Variants in ENAH observed in about 807,000 individuals in gnomAD.
The protein encoded by ENAH is ENAH actin regulator.
Under a neutral mutation model 78.7 loss-of-function variants are expected in ENAH, and 23 were observed. The ratio of observed to expected loss-of-function variants is 0.29; its 90% CI spans 0.21 to 0.41. The LOEUF (loss-of-function observed/expected upper bound fraction) is 0.41. Among genes scored for constraint, ENAH ranks in the 10% least tolerant of loss-of-function variants. The pLI, the probability that ENAH is intolerant of heterozygous loss-of-function variation, is 1.00. For missense variants in ENAH, 544 were observed against 691.0 expected, an observed-to-expected ratio of 0.79 and a Z score of 2.39; for synonymous variants, 226 against 241.0, an observed-to-expected ratio of 0.94 and a Z score of 0.58.
At chr1:225,524,349 A>T (rs148232082) in intron 4 of ENAH, among the ~76,000 whole-genome samples, 1 of 152,348 alleles carries the variant, frequency 6.6e-6, no homozygotes, top group East Asian at 1.9e-4. Context: ...GTTACTAGGT[A>T]AATAAGAATG....
chr1:225,513,216 A>C (rs2151121093), intron 7 of ENAH, among the ~76,000 whole-genome samples, 200 bp from the exon 8 acceptor site: 1 of 152,358 alleles, frequency 6.6e-6, no homozygotes, highest in African/African-American at 2.4e-5. Flanking sequence ...TATCACCAAG[A>C]ATGCAATGAA....
At chr1:225,592,018 T>G (rs2096879617) in intron 1 of ENAH, among the ~76,000 whole-genome samples, 1 of 152,136 alleles carries the variant, frequency 6.6e-6, no homozygotes, top group Non-Finnish European at 1.5e-5. Context: ...AGTATAATAA[T>G]AACAGTAATA....
At chr1:225,651,716 C>T (rs902138849) in intron 1 of ENAH, among the ~76,000 whole-genome samples, 1 of 152,066 alleles carries the variant, frequency 6.6e-6, no homozygotes, top group Admixed American at 6.5e-5. Context: ...TCTACCAAGT[C>T]CCATTTCACA....
chr1:225,645,283 G>A (rs780792119), intron 1 of ENAH, among the ~76,000 whole-genome samples: 9 of 152,148 alleles, frequency 5.9e-5, no homozygotes, highest in Non-Finnish European at 1.0e-4. Flanking sequence ...CATATAAATG[G>A]AATCATGGCA....
intron 1 of ENAH, among the ~76,000 whole-genome samples, chr1:225,600,913 G>T (rs149698089): frequency 6.6e-6 from 1 of 151,944 alleles, no homozygotes; most frequent in Admixed American, 6.6e-5. Context: ...ATATTAATTG[G>T]TAAAGCTATA....
In ENAH at chr1:225,511,836, A is replaced by T. The variant is rs777264328; in HGVS notation, c.1446T>A (p.Ser482=). 42 of 1,605,574 alleles carry T rather than the reference A, an allele frequency of 2.6e-5. No individual in the cohort carries two copies. The highest frequency in any genetic ancestry group is 3.4e-5 in the Non-Finnish European group (40 of 1,173,752). ...DKGEDSEPVT[S]KASSTSTPEP... is the part of the protein sequence containing the mutation. The stretch of plus-strand genomic sequence containing the variant: ...CAGGTGTACTTGTTGAAGAGGCCTT[A>T]GAAGTTACAGGCTCTGAATCTTCCT... Residue 482 remains serine, a synonymous_variant, in exon 10 of 14, where the codon TCT becomes TCA. Coordinates refer to ENST00000366843, the MANE Select transcript of ENAH (RefSeq NM_018212.6).
chr1:225,557,802 C>T (rs894306491), intron 2 of ENAH, among the ~76,000 whole-genome samples: 10 of 152,146 alleles, frequency 6.6e-5, no homozygotes, highest in Admixed American at 5.9e-4. Flanking sequence ...GCCTGGGCAA[C>T]AGAGTGACAC....
At chr1:225,632,417 G>C (rs1659253988) in intron 1 of ENAH, among the ~76,000 whole-genome samples, 1 of 150,262 alleles carries the variant, frequency 6.7e-6, no homozygotes, top group African/African-American at 2.4e-5. Flanking sequence ...AGAATCTCTT[G>C]AACCTAGGAG....
chr1:225,510,147 G>A (rs184299121), intron 10 of ENAH, among the ~76,000 whole-genome samples: 3 of 152,212 alleles, frequency 2.0e-5, no homozygotes, highest in East Asian at 3.9e-4. Flanking sequence ...GTTTAAAAAC[G>A]GAATGAAACA....
At chr1:225,565,891 C>T (rs2096732547) in intron 2 of ENAH, among the ~76,000 whole-genome samples, 1 of 152,116 alleles carries the variant, frequency 6.6e-6, no homozygotes, top group African/African-American at 2.4e-5. Context: ...AGGGGAGAGA[C>T]AGACAGAAGG....
intron 11 of ENAH, 53 bp downstream of exon 11, chr1:225,507,898 T>C: frequency 7.6e-7 from 1 of 1,312,858 alleles, no homozygotes; most frequent in Non-Finnish European, 1.0e-6. Flanking sequence ...TAAGAATGCA[T>C]TAATTTTTTT....
chr1:225,492,850 A>C lies in ENAH; in HGVS notation c.*4925T>G, dbSNP rs931016635. Reference sequence around the variant, plus strand: ...TTACAACATCCTAAGTCATTATGACAGTCATTTATCCTTTTACAATGTTTC... The same window carrying C: ...TTACAACATCCTAAGTCATTATGACCGTCATTTATCCTTTTACAATGTTTC... On this transcript the variant is annotated 3_prime_UTR_variant, in exon 14 of 14. Transcript: ENST00000366843. 1 of 710 alleles carries C rather than the reference A, an allele frequency of 1.4e-3. No individual in the cohort carries two copies. The highest frequency in any genetic ancestry group is 2.8e-3 in the Non-Finnish European group (1 of 362). 0.0% of individuals were successfully genotyped at this position (710 alleles called of 1,614,324 possible).
intron 1 of ENAH, among the ~76,000 whole-genome samples, chr1:225,590,567 T>A (rs1178118301): frequency 6.6e-6 from 1 of 152,164 alleles, no homozygotes; most frequent in Non-Finnish European, 1.5e-5. Flanking sequence ...ATATCATACA[T>A]ACCTCAAAAT....
intron 1 of ENAH, among the ~76,000 whole-genome samples, chr1:225,651,595 T>C (rs1276439882): frequency 6.6e-6 from 1 of 152,228 alleles, no homozygotes; most frequent in Non-Finnish European, 1.5e-5. Context: ...AAATGAACTG[T>C]AAGACTATCT....
At chr1:225,505,717 T>A (rs1403494227) in intron 11 of ENAH, among the ~76,000 whole-genome samples, 1 of 152,148 alleles carries the variant, frequency 6.6e-6, no homozygotes, top group Non-Finnish European at 1.5e-5. Flanking sequence ...ATTTTAAAAA[T>A]CCTTTATGGT....
At chr1:225,638,480 C>A (rs1183705133) in intron 1 of ENAH, among the ~76,000 whole-genome samples, 1 of 152,148 alleles carries the variant, frequency 6.6e-6, no homozygotes, top group African/African-American at 2.4e-5. Context: ...ATTAATGTCT[C>A]CTCCCCCACT....
chr1:225,576,928 A>G (rs538297112), intron 1 of ENAH, among the ~76,000 whole-genome samples: 1 of 152,270 alleles, frequency 6.6e-6, no homozygotes, highest in East Asian at 1.9e-4. Flanking sequence ...GGAGCCCAGG[A>G]GTTCAAGACC....
intron 3 of ENAH, among the ~76,000 whole-genome samples, chr1:225,532,506 G>A (rs2096542870): frequency 6.6e-6 from 1 of 151,968 alleles, no homozygotes; most frequent in Non-Finnish European, 1.5e-5. Context: ...ACCTAGGACA[G>A]GTGTTATATA....
chr1:225,519,070 T>G, intron 5 of ENAH, 128 bp downstream of exon 5: 1 of 1,365,588 alleles, frequency 7.3e-7, no homozygotes, highest in Non-Finnish European at 9.9e-7. Flanking sequence ...TGCATATTTA[T>G]TCATAATTTC....
Sources: allele counts gnomAD v4.1 joint callset (sites outside exome capture counted in the v4.1 genomes callset), GRCh38; gene constraint gnomAD v4.1.1; transcripts MANE v1.5; gene names NCBI Gene and HGNC (gene_info 2026-07-23, HGNC 2026-07-21).